UNC80: variants seen among roughly 807,000 people sequenced by gnomAD.
The protein encoded by UNC80 is protein unc-80 homolog.
A neutral mutation model predicts 384.6 loss-of-function variants in UNC80; 164 were observed. The observed-to-expected ratio is 0.43, with a 90% confidence interval of 0.38 to 0.49. The LOEUF (loss-of-function observed/expected upper bound fraction) is 0.49. Among genes scored for constraint, UNC80 ranks in the 20% least tolerant of loss-of-function variants. The pLI, the probability that UNC80 is intolerant of heterozygous loss-of-function variation, is 0.00. For missense variants in UNC80, 3,330 were observed against 4,143.0 expected (o/e 0.80, Z 5.39); for synonymous variants, 1,486 against 1,527.8 (o/e 0.97, Z 0.64).
rs955114434 is a variant in UNC80, at chr2:209,916,315, A to T, written c.5030-1462A>T. Among the ~76,000 whole-genome samples, 9 of 152,220 alleles carry T rather than the reference A, an allele frequency of 5.9e-5. 1 individual carries two copies. In the South Asian group the frequency reaches 1.9e-3, roughly 32 times the overall value. ...AGAAAAAGTGATCAGAAAAGTACAG[A>T]ACTCAAATAATCTCAAGCTGTGGAA... On this transcript the variant is annotated intron_variant, in intron 31 of 64. Transcript: ENST00000673920.
At chr2:209,950,948 G>A (rs2092148763) in intron 47 of UNC80, among the ~76,000 whole-genome samples, 1 of 152,052 alleles carries the variant, frequency 6.6e-6, no homozygotes, top group African/African-American at 2.4e-5. Context: ...CAAAGCATGT[G>A]GATTGCATGA....
chr2:209,796,690 TC>T (rs2078179680), intron 7 of UNC80: 1 of 166,360 alleles, frequency 6.0e-6, no homozygotes, highest in Non-Finnish European at 1.3e-5. Flanking sequence ...AGGGGTTTCT[TC>T]TTTTGCTGCT....
chr2:209,870,808 G>A (rs1157229833), intron 22 of UNC80, among the ~76,000 whole-genome samples: 1 of 152,162 alleles, frequency 6.6e-6, no homozygotes, highest in African/African-American at 2.4e-5. Context: ...AAAGTAACCA[G>A]CTCTGCCTGT....
intron 7 of UNC80, chr2:209,809,476 T>C (rs1040975088): frequency 3.6e-6 from 5 of 1,396,888 alleles, no homozygotes; most frequent in African/African-American, 1.4e-5. Context: ...CCAGACCCAC[T>C]TGGACGTCAA....
intron 29 of UNC80, among the ~76,000 whole-genome samples, chr2:209,909,716 A>G (rs2088686802): frequency 6.6e-6 from 1 of 152,168 alleles, no homozygotes; most frequent in Admixed American, 6.5e-5. Context: ...TCTAATCAAA[A>G]GTGGTCAGGA....
At chr2:209,806,327 T>A (rs2153826675) in intron 7 of UNC80, among the ~76,000 whole-genome samples, 1 of 152,382 alleles carries the variant, frequency 6.6e-6, no homozygotes, top group East Asian at 1.9e-4. Context: ...AAAAGCCAGC[T>A]ATAATGTTCA....
chr2:209,813,986 C>T, intron 8 of UNC80, 145 bp downstream of exon 8: 2 of 1,066,048 alleles, frequency 1.9e-6, no homozygotes, highest in Non-Finnish European at 2.6e-6. Flanking sequence ...TTTTCCCTTC[C>T]ATCTTGCATG....
In UNC80 at chr2:209,941,399, G is replaced by A; in HGVS notation, c.6825G>A (p.Gln2275=). 4 of 1,549,996 alleles carry A rather than the reference G, an allele frequency of 2.6e-6. No homozygotes were observed. Among genetic ancestry groups the A allele is most frequent in the Non-Finnish European group, 3.5e-6 (4 of 1,146,088 alleles). The change falls in exon 44 of 65, where the codon CAG becomes CAA. Residue 2275 remains glutamine (Q), a synonymous_variant. Transcript: ENST00000673920. Reference sequence around the variant, plus strand: ...CGGAAGACAGTGCCCTGCTCAGGCAGTATGCTGCCACCGTCATCAACACCG... The same window carrying A: ...CGGAAGACAGTGCCCTGCTCAGGCAATATGCTGCCACCGTCATCAACACCG... ...LHPEDSALLR[Q]YAATVINTAV... is the part of the protein sequence containing the mutation.
intron 22 of UNC80, among the ~76,000 whole-genome samples, chr2:209,857,214 A>G (rs770209448): frequency 1.3e-4 from 20 of 152,194 alleles, no homozygotes; most frequent in Non-Finnish European, 1.2e-4. Flanking sequence ...TTTTATAGTT[A>G]GCTTATCAGA....
intron 7 of UNC80, among the ~76,000 whole-genome samples, chr2:209,798,213 T>C (rs1574486253): frequency 1.3e-5 from 2 of 152,364 alleles, no homozygotes; most frequent in East Asian, 3.9e-4. Context: ...GCTTTTTGCA[T>C]TTTAGTCATG....
chr2:209,786,768 A>G (rs1033402708), intron 5 of UNC80, among the ~76,000 whole-genome samples: 1 of 152,072 alleles, frequency 6.6e-6, no homozygotes, highest in Non-Finnish European at 1.5e-5. Flanking sequence ...TACTATGTAT[A>G]TAACCTAACT....
intron 6 of UNC80, among the ~76,000 whole-genome samples, chr2:209,790,354 C>T (rs1418952396): frequency 6.6e-6 from 1 of 152,168 alleles, no homozygotes; most frequent in African/African-American, 2.4e-5. Flanking sequence ...GGAAGATTAT[C>T]ACCCTTTTTA....
intron 37 of UNC80, 94 bp downstream of exon 37, chr2:209,930,065 C>A: frequency 1.6e-6 from 1 of 622,542 alleles, no homozygotes; most frequent in Non-Finnish European, 2.6e-6. Flanking sequence ...GTGCATGCAA[C>A]TCAATGCCCT....
At position 209,959,507 on chromosome 2, in the gene UNC80, G is replaced by A. The variant is rs2092523167; in HGVS notation, c.7605G>A (p.Leu2535=). Residue 2535 remains leucine, a synonymous_variant, in exon 51 of 65, where the codon CTG becomes CTA. Coordinates refer to ENST00000673920, the MANE Select transcript of UNC80 (RefSeq NM_001371986.1). The part of the protein sequence containing the change: ...LHFIRENLHL[L]EEGQGIPREE... Reference sequence around the variant, plus strand: ...TTCCCAGGGAAAACCTTCATTTACTGGAGGAAGGGCAAGGCATTCCCAGAG... The same window carrying A: ...TTCCCAGGGAAAACCTTCATTTACTAGAGGAAGGGCAAGGCATTCCCAGAG... 1 of 1,551,642 alleles carries A rather than the reference G, an allele frequency of 6.4e-7. No individual in the cohort carries two copies. Among genetic ancestry groups the A allele is most frequent in the African/African-American group, 1.4e-5 (1 of 73,138 alleles).
At chr2:209,890,669 A>G (rs1364541173) in intron 26 of UNC80, among the ~76,000 whole-genome samples, 1 of 152,206 alleles carries the variant, frequency 6.6e-6, no homozygotes, top group East Asian at 1.9e-4. Context: ...TTACCTTCTA[A>G]GCCACAGTTC....
chr2:209,965,927 C>T (rs1218557036), intron 51 of UNC80, among the ~76,000 whole-genome samples: 2 of 147,052 alleles, frequency 1.4e-5, no homozygotes, highest in South Asian at 2.2e-4. Context: ...CCAGTACAAA[C>T]TTGTCTCAAA....
intron 33 of UNC80, among the ~76,000 whole-genome samples, chr2:209,920,954 A>G (rs1465418815): frequency 6.6e-6 from 1 of 151,752 alleles, no homozygotes; most frequent in Non-Finnish European, 1.5e-5. Flanking sequence ...CAGCCTCCTG[A>G]GTAGCTGGGA....
chr2:209,863,600 A>G (rs1161333548), intron 22 of UNC80, among the ~76,000 whole-genome samples: 2 of 151,282 alleles, frequency 1.3e-5, no homozygotes, highest in South Asian at 4.2e-4. Flanking sequence ...TCAAACTTTG[A>G]TATCCTTTCT....
intron 7 of UNC80, chr2:209,796,341 A>G (rs191657644): frequency 6.6e-6 from 1 of 152,254 alleles, no homozygotes; most frequent in African/African-American, 2.4e-5. Flanking sequence ...TTTTGATTTT[A>G]CAGGCTCATA....
Sources: allele counts gnomAD v4.1 joint callset (sites outside exome capture counted in the v4.1 genomes callset), GRCh38; gene constraint gnomAD v4.1.1; transcripts MANE v1.5; gene names NCBI Gene and HGNC (gene_info 2026-07-23, HGNC 2026-07-21).